TESK2: variants seen among roughly 807,000 people sequenced by gnomAD.
The protein encoded by TESK2 is dual specificity testis-specific protein kinase 2.
TESK2 carries 39 observed loss-of-function variants against 57.1 expected under a neutral mutation model. That is an observed-to-expected ratio of 0.68 (90% confidence interval 0.53 to 0.89). The LOEUF (loss-of-function observed/expected upper bound fraction) is 0.89, where lower values mean the gene tolerates loss of function less well. Among genes scored for constraint, TESK2 ranks in the 40% least tolerant of loss-of-function variants. TESK2 has a pLI of 0.00. For synonymous variants in TESK2, 249 were observed against 267.9 expected (o/e 0.93, Z 0.69); for missense variants, 646 against 732.1 (o/e 0.88, Z 1.36).
At chr1:45,365,572 G>A (rs1171051890) in intron 4 of TESK2, among the ~76,000 whole-genome samples, 2 of 151,864 alleles carry the variant, frequency 1.3e-5, no homozygotes, top group Non-Finnish European at 2.9e-5. Context: ...GGAGCACAAT[G>A]GCATGATCTC....
At chr1:45,442,136 A>C (rs1651471353) in intron 2 of TESK2, among the ~76,000 whole-genome samples, 1 of 152,024 alleles carries the variant, frequency 6.6e-6, no homozygotes, top group Admixed American at 6.6e-5. Flanking sequence ...AGGTTTCTCC[A>C]TGTTGGTCAG....
At chr1:45,429,248 T>C (rs569658397) in intron 2 of TESK2, among the ~76,000 whole-genome samples, 31 of 152,128 alleles carry the variant, frequency 2.0e-4, no homozygotes, top group Non-Finnish European at 4.0e-4. Context: ...AATACAAAAT[T>C]AGCCAGGCGT....
intron 1 of TESK2, among the ~76,000 whole-genome samples, chr1:45,465,066 G>C (rs559729657): frequency 6.6e-6 from 1 of 152,018 alleles, no homozygotes; most frequent in Non-Finnish European, 1.5e-5. Context: ...GTGAAACCCC[G>C]TCTCTACTAA....
In TESK2 at chr1:45,347,925, C is replaced by A; in HGVS notation, c.616G>T (p.Asp206Tyr). ...ADFGLAEKIPDVSMGSEKLAV... is the reference protein window; with the variant it reads ...ADFGLAEKIPYVSMGSEKLAV... ...TCCAGTAGGGCTACACACCTGACATCGGGGATCTTCTCAGCCAGGCCAAAG... is the reference window on the plus strand; with the variant it reads ...TCCAGTAGGGCTACACACCTGACATAGGGGATCTTCTCAGCCAGGCCAAAG... Residue 206 changes from aspartate to tyrosine, a missense_variant, in exon 6 of 11, where the codon GAT becomes TAT. By Grantham distance (160) the Asp-to-Tyr change is radical. Transcript: ENST00000372086. 1.2e-6 allele frequency: 2 copies of A among 1,612,276 alleles called. No homozygotes were observed. The highest frequency in any genetic ancestry group is 1.1e-5 in the South Asian group (1 of 91,042).
At chr1:45,364,952 C>T (rs1570652687) in intron 4 of TESK2, among the ~76,000 whole-genome samples, 1 of 152,130 alleles carries the variant, frequency 6.6e-6, no homozygotes, top group African/African-American at 2.4e-5. Context: ...GGCTTGTTGG[C>T]ACTCTACTCT....
In TESK2 at chr1:45,361,037, C is replaced by T. The variant is rs190070571; in HGVS notation, c.394-5588G>A. Among the ~76,000 whole-genome samples the T allele has an allele frequency of 1.8e-3, 278 of 152,236 alleles. 1 individual carries two copies. Among genetic ancestry groups the T allele is most frequent in the African/African-American group, 6.1e-3 (252 of 41,544 alleles). ...TTTCCCATGTTGGCCAGGCTTGTCT[C>T]GAACTCCTGACCTCAGGTGATCCAC... On this transcript the variant is annotated intron_variant, in intron 4 of 10. Transcript: ENST00000372086.
chr1:45,455,740 T>C (rs1246423252), intron 2 of TESK2, among the ~76,000 whole-genome samples: 1 of 152,112 alleles, frequency 6.6e-6, no homozygotes, highest in East Asian at 1.9e-4. Flanking sequence ...ATGGCTAAGA[T>C]GGTAAATTTA....
chr1:45,346,892 TC>T (rs1205868673), intron 8 of TESK2, 86 bp downstream of exon 8: 2 of 1,552,590 alleles, frequency 1.3e-6, no homozygotes. Flanking sequence ...AACAGAGAGT[TC>T]CAGCAAGTCC....
At chr1:45,444,988 TC>T (rs35709440) in intron 2 of TESK2, among the ~76,000 whole-genome samples, 67,015 of 151,932 alleles carry the variant, frequency 0.44, 15,915 homozygotes, top group East Asian at 0.57. Flanking sequence ...ATTTGTAACT[TC>T]CCCAATTGCT....
intron 3 of TESK2, among the ~76,000 whole-genome samples, chr1:45,399,211 C>T (rs1035675166): frequency 2.8e-5 from 4 of 144,486 alleles, no homozygotes; most frequent in Admixed American, 2.1e-4. Flanking sequence ...TGCAGTGGCA[C>T]GATCTTGGCT....
intron 4 of TESK2, among the ~76,000 whole-genome samples, chr1:45,376,382 ATTT>A (rs201233772): frequency 7.0e-6 from 1 of 142,146 alleles, no homozygotes. Context: ...CGTCTGGCTA[ATTT>A]TTTTTTTTTT....
At position 45,345,014 on chromosome 1, in the gene TESK2, G is replaced by A; in HGVS notation, c.1542C>T (p.Asp514=). The A allele has an allele frequency of 6.2e-7, 1 of 1,614,268 alleles. No homozygotes were observed. Among genetic ancestry groups the A allele is most frequent in the Non-Finnish European group, 8.5e-7 (1 of 1,180,050 alleles). ...CATTTTCTTCCTGGAGAATGGAGCA[G>A]TCCATAGCCTCATGGGCTTGAGCAG... ...LPAAQAHEAM[D]CSILQEENGF... Residue 514 remains aspartate, a synonymous_variant, in exon 11 of 11, where the codon GAC becomes GAT. Coordinates refer to ENST00000372086, the MANE Select transcript of TESK2 (RefSeq NM_007170.3).
chr1:45,420,677 CG>C (rs1188585980), intron 3 of TESK2, among the ~76,000 whole-genome samples: 1 of 151,412 alleles, frequency 6.6e-6, no homozygotes, highest in Non-Finnish European at 1.5e-5. Context: ...CTCCACTTCC[CG>C]GGTTCAAGCA....
chr1:45,402,940 A>C (rs988158903), intron 3 of TESK2, among the ~76,000 whole-genome samples: 13 of 152,050 alleles, frequency 8.5e-5, no homozygotes, highest in African/African-American at 3.1e-4. Context: ...AATAATACAA[A>C]GATACCATCA....
At position 45,345,186 on chromosome 1, in the gene TESK2, A is replaced by G. The variant is rs1557535448; in HGVS notation, c.1370T>C (p.Leu457Ser). ...LAPPIRRWRSLPGSPEFLHQE... is the reference protein window; with the variant it reads ...LAPPIRRWRSSPGSPEFLHQE... Reference sequence around the variant, plus strand: ...ATGCAAGAACTCAGGCGAACCAGGCAAGGAACGCCACCGGCGAATAGGTGG... The same window carrying G: ...ATGCAAGAACTCAGGCGAACCAGGCGAGGAACGCCACCGGCGAATAGGTGG... Residue 457 changes from leucine to serine, a missense_variant, in exon 11 of 11, where the codon TTG becomes TCG. By Grantham distance (145) the Leu-to-Ser change is moderately radical (BLOSUM62 -2). Transcript: ENST00000372086. The G allele has an allele frequency of 3.7e-6, 6 of 1,614,204 alleles. No homozygotes were observed. Among genetic ancestry groups the G allele is most frequent in the Non-Finnish European group, 5.1e-6 (6 of 1,180,026 alleles).
At chr1:45,382,121 C>A (rs1383613130) in intron 4 of TESK2, among the ~76,000 whole-genome samples, 1 of 152,098 alleles carries the variant, frequency 6.6e-6, no homozygotes, top group Admixed American at 6.6e-5. Context: ...ATCCTTCTGC[C>A]TCTACCTCCT....
intron 1 of TESK2, among the ~76,000 whole-genome samples, chr1:45,459,625 T>C (rs988030997): frequency 5.3e-5 from 8 of 152,174 alleles, no homozygotes; most frequent in Admixed American, 2.0e-4. Context: ...GAGGATCACT[T>C]GAGCTCAGGA....
chr1:45,365,381 G>A (rs143438088), intron 4 of TESK2, among the ~76,000 whole-genome samples: 109 of 152,254 alleles, frequency 7.2e-4, no homozygotes, highest in African/African-American at 2.4e-3. Flanking sequence ...AGAGTAAAAC[G>A]TTGTTAATAA....
At chr1:45,463,114 C>T (rs559185971) in intron 1 of TESK2, among the ~76,000 whole-genome samples, 1 of 152,160 alleles carries the variant, frequency 6.6e-6, no homozygotes, top group East Asian at 1.9e-4. Flanking sequence ...GTCTGAACTC[C>T]TTATATTTTC....
Sources: allele counts gnomAD v4.1 joint callset (sites outside exome capture counted in the v4.1 genomes callset), GRCh38; gene constraint gnomAD v4.1.1; transcripts MANE v1.5; gene names NCBI Gene and HGNC (gene_info 2026-07-23, HGNC 2026-07-21).